Variants in ZHX3 observed in about 807,000 individuals in gnomAD.
The protein encoded by ZHX3 is zinc fingers and homeoboxes 3.
A neutral mutation model predicts 64.5 loss-of-function variants in ZHX3; 20 were observed. That is an observed-to-expected ratio of 0.31 (90% CI 0.22 to 0.45). ZHX3 has a LOEUF of 0.45. ZHX3 is among the 20% of genes least tolerant of loss of function. ZHX3 has a pLI of 1.00. For synonymous variants in ZHX3, 423 were observed against 461.6 expected, an observed-to-expected ratio of 0.92 and a Z score of 1.07; for missense variants, 1,041 against 1,195.8, an observed-to-expected ratio of 0.87 and a Z score of 1.91.
chr20:41,222,477 C>G (rs747039174), intron 2 of ZHX3, among the ~76,000 whole-genome samples: 5 of 152,106 alleles, frequency 3.3e-5, no homozygotes, highest in Non-Finnish European at 5.9e-5. Flanking sequence ...GGTCAGACTG[C>G]TAATGAGCAA....
intron 1 of ZHX3, among the ~76,000 whole-genome samples, chr20:41,296,315 T>C (rs1292143216): frequency 6.9e-6 from 1 of 144,020 alleles, no homozygotes; most frequent in African/African-American, 2.6e-5. Context: ...CCAGCAATAC[T>C]ATGTATGAAA....
At chr20:41,291,767 T>TA (rs1223192508) in intron 1 of ZHX3, among the ~76,000 whole-genome samples, 3 of 151,582 alleles carry the variant, frequency 2.0e-5, no homozygotes, top group Non-Finnish European at 4.4e-5. Context: ...AGCATGAATC[T>TA]AAAAAAAATG....
At chr20:41,194,407 T>A (rs1315120803) in intron 3 of ZHX3, among the ~76,000 whole-genome samples, 1 of 152,184 alleles carries the variant, frequency 6.6e-6, no homozygotes, top group African/African-American at 2.4e-5. Context: ...AATCCTTGCA[T>A]TGCAGGGATA....
intron 2 of ZHX3, among the ~76,000 whole-genome samples, chr20:41,266,870 T>TA (rs2042884955): frequency 7.9e-6 from 1 of 125,980 alleles, no homozygotes; most frequent in Non-Finnish European, 1.7e-5. Context: ...TTTTTTTTTT[T>TA]AAGATGGAAT....
chr20:41,301,347 C>T (rs2044795610), intron 1 of ZHX3, among the ~76,000 whole-genome samples: 1 of 152,160 alleles, frequency 6.6e-6, no homozygotes, highest in Non-Finnish European at 1.5e-5. Context: ...ACCCCATACT[C>T]AAAATATACA....
At chr20:41,278,010 A>G (rs2043479934) in intron 1 of ZHX3, among the ~76,000 whole-genome samples, 1 of 140,502 alleles carries the variant, frequency 7.1e-6, no homozygotes, top group African/African-American at 2.7e-5. Flanking sequence ...TACACTTTCA[A>G]TAAAAGCAAA....
At position 41,228,537 on chromosome 20, in the gene ZHX3, C is replaced by G. The variant is rs2040409850; in HGVS notation, c.-150-23471G>C. ...TGGCATATTCAGTGTCTGGTGAGGG[C>G]CTACTTCCTCATAGACAGACAACTT... On this transcript the variant is annotated intron_variant, in intron 2 of 3. Coordinates refer to ENST00000683867, the MANE Select transcript of ZHX3 (RefSeq NM_001384317.1). The surrounding 1 kb of genome is among the most constrained non-coding windows in gnomAD (Gnocchi z 4.6). Among the ~76,000 whole-genome samples, 1 of 152,130 alleles carries G rather than the reference C, an allele frequency of 6.6e-6. No individual in the cohort carries two copies. Among genetic ancestry groups the G allele is most frequent in the Non-Finnish European group, 1.5e-5 (1 of 68,018 alleles).
intron 1 of ZHX3, among the ~76,000 whole-genome samples, chr20:41,312,900 A>T (rs969850634): frequency 6.6e-6 from 1 of 152,166 alleles, no homozygotes; most frequent in Non-Finnish European, 1.5e-5. Flanking sequence ...CTTTAGTAGG[A>T]TCACTCTGGC....
At position 41,204,601 on chromosome 20, in the gene ZHX3, C is replaced by G; in HGVS notation, c.316G>C (p.Asp106His). 5.6e-6 allele frequency: 9 copies of G among 1,614,214 alleles called. No individual in the cohort carries two copies. The highest frequency in any genetic ancestry group is 7.6e-6 in the Non-Finnish European group (9 of 1,180,046). ...MNSEHTDFNKDPTFVCSGCSF... is the reference protein window; with the variant it reads ...MNSEHTDFNKHPTFVCSGCSF... The stretch of plus-strand genomic sequence containing the variant: ...CACCCACTGCATACAAAGGTTGGGT[C>G]TTTATTAAAGTCTGTGTGCTCTGAG... Residue 106 changes from aspartate to histidine, a missense_variant, in exon 3 of 4, where the codon GAC becomes CAC. Coordinates refer to ENST00000683867, the MANE Select transcript of ZHX3 (RefSeq NM_001384317.1). This position sits in a 1 kb window ranked among gnomAD's most constrained non-coding sequence, Gnocchi z 6.6.
chr20:41,229,364 A>G (rs935396349), intron 2 of ZHX3, among the ~76,000 whole-genome samples: 1 of 152,174 alleles, frequency 6.6e-6, no homozygotes, highest in African/African-American at 2.4e-5. Context: ...TGCTATGAAC[A>G]TGGACATACA....
At chr20:41,288,103 T>TGCAA (rs1266462707) in intron 1 of ZHX3, among the ~76,000 whole-genome samples, 1 of 152,184 alleles carries the variant, frequency 6.6e-6, no homozygotes, top group Non-Finnish European at 1.5e-5. Context: ...CTCAGCTCAC[T>TGCAA]GCAACCTCCA....
chr20:41,297,469 T>C (rs777257709), intron 1 of ZHX3, among the ~76,000 whole-genome samples: 14 of 152,156 alleles, frequency 9.2e-5, no homozygotes, highest in Non-Finnish European at 2.1e-4. Flanking sequence ...ATTACCAATC[T>C]CTCAGAGACT....
At position 41,183,809 on chromosome 20, in the gene ZHX3, T is replaced by C. The variant is rs2036329807; in HGVS notation, c.*1382A>G. 6.6e-6 allele frequency: 1 copy of C among 152,208 alleles called. No individual in the cohort carries two copies. Among genetic ancestry groups the C allele is most frequent in the African/African-American group, 2.4e-5 (1 of 41,442 alleles). 9.4% of individuals were successfully genotyped at this position (152,208 alleles called of 1,614,324 possible). On this transcript the variant is annotated 3_prime_UTR_variant, in exon 4 of 4. Transcript: ENST00000683867. This position sits in a 1 kb window ranked among gnomAD's most constrained non-coding sequence, Gnocchi z 5.3. ...CTCAGAGCAACCGGTCTTGGGGAAA[T>C]TGAGGATTTACCATTTAGAACAGCT...
rs749654315 is a variant in ZHX3, at chr20:41,203,151, G to A, written c.1766C>T (p.Pro589Leu). The A allele has an allele frequency of 5.6e-6, 9 of 1,614,092 alleles. No individual in the cohort carries two copies. Among genetic ancestry groups the A allele is most frequent in the East Asian group, 2.2e-5 (1 of 44,872 alleles). ...GTGGGTTGCTAGTGTGGCTGTTGTC[G>A]GAATGCAGGTTACCTCAGGGACCTT... ...SSKVPEVTCI[P>L]TTATLATHPS... The change falls in exon 3 of 4, where the codon CCG (proline) becomes CTG (leucine). Residue 589 changes from proline (P) to leucine (L), a missense_variant. Pro to Leu is a moderately conservative substitution (Grantham distance 98, BLOSUM62 -3). Around this residue, in one of 4 missense-constraint regions of ZHX3, gnomAD observed 649 missense variants for 739.8 expected, o/e 0.88. Transcript: ENST00000683867. This position sits in a 1 kb window ranked among gnomAD's most constrained non-coding sequence, Gnocchi z 7.1.
chr20:41,311,100 G>A (rs990039840), intron 1 of ZHX3, among the ~76,000 whole-genome samples: 1 of 152,112 alleles, frequency 6.6e-6, no homozygotes, highest in Non-Finnish European at 1.5e-5. Flanking sequence ...GAGCCACCGT[G>A]CCCGGCCAAT....
chr20:41,222,941 T>C (rs2040044076), intron 2 of ZHX3, among the ~76,000 whole-genome samples: 1 of 149,020 alleles, frequency 6.7e-6, no homozygotes, highest in African/African-American at 2.5e-5. Context: ...GAAAGAAAAA[T>C]TCTCTCTGGC....
rs542885529 is a variant in ZHX3, at chr20:41,258,376, G to A, written c.-151+10614C>T. 2.7e-4 allele frequency among the ~76,000 whole-genome samples: 41 copies of A among 152,154 alleles called. No homozygotes were observed. The East Asian group carries it at 7.3e-3, about 27-fold the overall frequency. On this transcript the variant is annotated intron_variant, in intron 2 of 3. Transcript: ENST00000683867. ...TATTAATACTATTAACTAAACCAAA[G>A]ACCTTATTCAAGTCGTACCGGTTTT...
intron 1 of ZHX3, among the ~76,000 whole-genome samples, chr20:41,295,616 C>T (rs961222015): frequency 1.2e-4 from 18 of 152,024 alleles, no homozygotes; most frequent in African/African-American, 4.4e-4. Flanking sequence ...CCTGTAATCC[C>T]AGCACTTTGG....
At chr20:41,294,365 T>C (rs1463143325) in intron 1 of ZHX3, among the ~76,000 whole-genome samples, 1 of 152,174 alleles carries the variant, frequency 6.6e-6, no homozygotes, top group East Asian at 1.9e-4. Flanking sequence ...AATAGTTTGT[T>C]GTTGTTGCTG....
Sources: allele counts gnomAD v4.1 joint callset (sites outside exome capture counted in the v4.1 genomes callset), GRCh38; gene constraint gnomAD v4.1.1; regional missense constraint gnomAD v4.1.1; non-coding constraint Gnocchi (gnomAD v3.1); transcripts MANE v1.5; gene names NCBI Gene and HGNC (gene_info 2026-07-23, HGNC 2026-07-21).